RYR3: variants seen among roughly 807,000 people sequenced by gnomAD.
RYR3 encodes ryanodine receptor 3, also known as brain ryanodine receptor-calcium release channel.
Under a neutral mutation model 584.3 loss-of-function variants are expected in RYR3, and 207 were observed. The observed-to-expected ratio is 0.35, with a 90% confidence interval of 0.32 to 0.40. The LOEUF (loss-of-function observed/expected upper bound fraction) is 0.40, where lower values mean the gene tolerates loss of function less well. Ranked by LOEUF, RYR3 falls within the 10% of genes least tolerant of loss-of-function variation. The pLI is 1.00. For missense variants in RYR3, 5,616 were observed against 6,089.2 expected (o/e 0.92, Z 2.59); for synonymous variants, 2,416 against 2,248.5 (o/e 1.07, Z -2.11).
intron 1 of RYR3, among the ~76,000 whole-genome samples, chr15:33,465,051 G>A (rs922660295): frequency 6.6e-6 from 1 of 152,148 alleles, no homozygotes; most frequent in South Asian, 2.1e-4. Flanking sequence ...TAACATCTGT[G>A]TTATTGCAAG....
At chr15:33,423,345 T>C (rs1156853369) in intron 1 of RYR3, among the ~76,000 whole-genome samples, 1 of 152,240 alleles carries the variant, frequency 6.6e-6, no homozygotes, top group Non-Finnish European at 1.5e-5. Context: ...CATTCCTTTT[T>C]TATAGCTGAA....
Position 33,662,142 on chromosome 15 carries a change from C to A in RYR3, c.4623-11C>A. On this transcript the variant is annotated splice_polypyrimidine_tract_variant and intron_variant, in intron 34 of 103. Coordinates refer to ENST00000634891, the MANE Select transcript of RYR3 (RefSeq NM_001036.6). ...CCCCCTGGTGTGGCTGATTGCTCGT[C>A]CTGTCCTCAGGTGTGTGGATATCCT... is the stretch of plus-strand genomic sequence containing the variant. 6.4e-7 allele frequency: 1 copy of A among 1,562,914 alleles called. No individual in the cohort carries two copies. Among genetic ancestry groups the A allele is most frequent in the Non-Finnish European group, 8.7e-7 (1 of 1,153,414 alleles).
At chr15:33,666,819 G>A (rs1431459345) in intron 36 of RYR3, among the ~76,000 whole-genome samples, 1 of 152,176 alleles carries the variant, frequency 6.6e-6, no homozygotes, top group Non-Finnish European at 1.5e-5. Context: ...TTATTAAAGG[G>A]CATGACCTGC....
At chr15:33,504,097 A>C (rs1016194651) in intron 3 of RYR3, among the ~76,000 whole-genome samples, 2 of 152,166 alleles carry the variant, frequency 1.3e-5, no homozygotes, top group Admixed American at 6.5e-5. Flanking sequence ...CCTTGGAAAA[A>C]CCTCACTGGG....
chr15:33,543,770 A>C (rs999651202), intron 8 of RYR3, 55 bp downstream of exon 8: 2 of 1,120,036 alleles, frequency 1.8e-6, no homozygotes, highest in African/African-American at 3.1e-5. Context: ...AATGACTCAA[A>C]CTAAAGAGTT....
At chr15:33,703,914 T>C (rs571844751) in intron 42 of RYR3, among the ~76,000 whole-genome samples, 2 of 152,140 alleles carry the variant, frequency 1.3e-5, no homozygotes, top group Non-Finnish European at 2.9e-5. Context: ...TCAAATATGA[T>C]GTTTATCAAA....
chr15:33,575,834 T>TTAAA (rs1555535393), intron 12 of RYR3, among the ~76,000 whole-genome samples: 22,108 of 144,138 alleles, frequency 0.15, 2,557 homozygotes, highest in African/African-American at 0.33. Flanking sequence ...GAGCTGGTTT[T>TTAAA]AAAAAAAAAA....
At position 33,865,319 on chromosome 15, in the gene RYR3, ACATTTTCT is replaced by A; in HGVS notation, c.*94_*101del. On this transcript the variant is annotated 3_prime_UTR_variant, in exon 104 of 104. Transcript: ENST00000634891. ...AGTTCTGCAACATATCTGAAATGTG[ACATTTTCT>A]AAATGCCTCCCTTAAAAAAAAAACT... The A allele has an allele frequency of 1.2e-6, 1 of 848,534 alleles. No homozygotes were observed. Among genetic ancestry groups the A allele is most frequent in the Non-Finnish European group, 1.8e-6 (1 of 542,054 alleles). 52.6% of individuals were successfully genotyped at this position (848,534 alleles called of 1,614,324 possible).
At chr15:33,497,862 C>G (rs1343044374) in intron 2 of RYR3, among the ~76,000 whole-genome samples, 1 of 152,086 alleles carries the variant, frequency 6.6e-6, no homozygotes, top group African/African-American at 2.4e-5. Flanking sequence ...ACCAGCCTCC[C>G]TCTCCCCACC....
chr15:33,630,138 C>T (rs41279206), intron 22 of RYR3, 95 bp downstream of exon 22: 11,569 of 664,514 alleles, frequency 0.017, 127 homozygotes, highest in Non-Finnish European at 0.024. Flanking sequence ...TGCCTGAAAA[C>T]GTGGCACATT....
intron 1 of RYR3, among the ~76,000 whole-genome samples, chr15:33,319,904 A>G (rs1247903295): frequency 6.6e-6 from 1 of 152,170 alleles, no homozygotes; most frequent in Non-Finnish European, 1.5e-5. Flanking sequence ...GTTTACGCCA[A>G]GTTCTCAGGT....
chr15:33,363,504 A>C (rs1407122627), intron 1 of RYR3, among the ~76,000 whole-genome samples: 2 of 152,246 alleles, frequency 1.3e-5, no homozygotes, highest in African/African-American at 2.4e-5. Context: ...GGCAGATGTT[A>C]ATACAGTGGT....
At chr15:33,318,930 C>G (rs1968568879) in intron 1 of RYR3, among the ~76,000 whole-genome samples, 1 of 152,172 alleles carries the variant, frequency 6.6e-6, no homozygotes. Context: ...TAATCCCAAG[C>G]AAATGCTCCA....
At chr15:33,320,807 G>A (rs1180250281) in intron 1 of RYR3, among the ~76,000 whole-genome samples, 1 of 152,164 alleles carries the variant, frequency 6.6e-6, no homozygotes, top group Non-Finnish European at 1.5e-5. Flanking sequence ...ATTTATTATT[G>A]TCTCAACAAA....
At chr15:33,369,848 C>G (rs1458013495) in intron 1 of RYR3, among the ~76,000 whole-genome samples, 2 of 152,170 alleles carry the variant, frequency 1.3e-5, no homozygotes, top group African/African-American at 2.4e-5. Context: ...TGTTGGTTCT[C>G]TTTGTGAAAT....
chr15:33,578,582 G>A (rs1307378995), intron 12 of RYR3, among the ~76,000 whole-genome samples: 4 of 151,890 alleles, frequency 2.6e-5, no homozygotes, highest in South Asian at 2.1e-4. Flanking sequence ...ACAGGGAGGG[G>A]AACAACACAC....
At chr15:33,396,256 G>A (rs930427897) in intron 1 of RYR3, among the ~76,000 whole-genome samples, 2 of 152,106 alleles carry the variant, frequency 1.3e-5, no homozygotes, top group African/African-American at 2.4e-5. Flanking sequence ...GACAACTGCC[G>A]AATTTACATT....
intron 64 of RYR3, among the ~76,000 whole-genome samples, chr15:33,778,725 G>C (rs2074190090): frequency 6.6e-6 from 1 of 152,226 alleles, no homozygotes; most frequent in Admixed American, 6.5e-5. Flanking sequence ...GGACTGGTTT[G>C]TCCAAGGGCC....
intron 18 of RYR3, 97 bp downstream of exon 18, chr15:33,603,461 A>C: frequency 7.6e-7 from 1 of 1,314,766 alleles, no homozygotes; most frequent in Non-Finnish European, 1.0e-6. Context: ...TTGAAATGAT[A>C]CAGACTCAAG....
Sources: gnomAD v4.1 joint callset for allele counts (sites outside exome capture counted in the v4.1 genomes callset) on GRCh38, gnomAD v4.1.1 for gene constraint, MANE v1.5 for transcripts, NCBI Gene and HGNC (gene_info 2026-07-23, HGNC 2026-07-21) for gene names.